Variants in PRKCB observed in about 807,000 individuals in gnomAD.
The protein encoded by PRKCB is protein kinase C beta type.
In PRKCB, 13 loss-of-function variants were observed where a neutral mutation model predicts 81.5. The ratio of observed to expected loss-of-function variants is 0.16; its 90% CI spans 0.10 to 0.25. The LOEUF (loss-of-function observed/expected upper bound fraction) is 0.25, where lower values mean the gene tolerates loss of function less well. Ranked by LOEUF, PRKCB falls within the 10% of genes least tolerant of loss-of-function variation. The pLI is 1.00. For missense variants in PRKCB, 509 were observed against 875.7 expected, an observed-to-expected ratio of 0.58 and a Z score of 5.29; for synonymous variants, 335 against 321.4, an observed-to-expected ratio of 1.04 and a Z score of -0.45.
In PRKCB at chr16:24,150,182, T is replaced by C. The variant is rs150836749; in HGVS notation, c.1066-4502T>C. Among the ~76,000 whole-genome samples the C allele has an allele frequency of 8.5e-5, 13 of 152,190 alleles. No homozygotes were observed. In the East Asian group the frequency reaches 2.5e-3, roughly 29 times the overall value. ...CCCATTTCTACTAAAAATACAAAAA[T>C]TAACCAGGTGTGGTGGTGGACGCCT... On this transcript the variant is annotated intron_variant, in intron 9 of 16. Transcript: ENST00000643927.
intron 2 of PRKCB, among the ~76,000 whole-genome samples, chr16:23,862,048 C>T (rs905318208): frequency 6.6e-6 from 1 of 152,142 alleles, no homozygotes; most frequent in Non-Finnish European, 1.5e-5. Context: ...TGATTAGCTT[C>T]TCTTGAGATT....
intron 2 of PRKCB, among the ~76,000 whole-genome samples, chr16:23,881,699 A>G (rs1331120347): frequency 1.3e-5 from 2 of 152,346 alleles, no homozygotes; most frequent in Admixed American, 1.3e-4. Context: ...ATAACATAAA[A>G]TTTACCATCT....
chr16:24,067,485 G>A (rs1966051326), intron 5 of PRKCB, among the ~76,000 whole-genome samples: 1 of 151,972 alleles, frequency 6.6e-6, no homozygotes, highest in African/African-American at 2.4e-5. Flanking sequence ...TTTTTGTAGA[G>A]ATGGGGTTTT....
intron 11 of PRKCB, among the ~76,000 whole-genome samples, chr16:24,173,437 C>A (rs1053972486): frequency 6.6e-6 from 1 of 152,124 alleles, no homozygotes; most frequent in African/African-American, 2.4e-5. Context: ...CTTGGTGGCT[C>A]CTACCCAGTT....
chr16:23,856,194 G>A (rs1432008227), intron 2 of PRKCB, among the ~76,000 whole-genome samples: 1 of 152,174 alleles, frequency 6.6e-6, no homozygotes, highest in Non-Finnish European at 1.5e-5. Context: ...CTACCAGAGA[G>A]GAGAGCTGGG....
rs923667390 is a variant in PRKCB at position 24,113,120 on chromosome 16, C to T, written c.918+51C>T. ...CTTTCTTTTTTCTCTTTCTTTTTTC[C>T]TTCTTTCCTCCTGCTCCCTCCTCTT... On this transcript the variant is annotated intron_variant, in intron 8 of 16. Coordinates refer to ENST00000643927, the MANE Select transcript of PRKCB (RefSeq NM_002738.7). 3 of 1,419,352 alleles carry T rather than the reference C, an allele frequency of 2.1e-6. No homozygotes were observed. In the African/African-American group the frequency reaches 4.3e-5, roughly 20 times the overall value. The allele number at this position is 1,419,352 out of a possible 1,614,324, so 87.9% of individuals were successfully genotyped here. A position where few individuals can be genotyped will look rare whatever the true frequency, so the allele number is the denominator to read the frequency against.
chr16:24,218,133 C>T lies in PRKCB; in HGVS notation c.*3317C>T. The T allele has an allele frequency of 3.0e-6, 3 of 985,172 alleles. No homozygotes were observed. The highest frequency in any genetic ancestry group is 3.6e-6 in the Non-Finnish European group (3 of 829,906). The allele number at this position is 985,172 out of a possible 1,614,324, so 61.0% of individuals were successfully genotyped here. On this transcript the variant is annotated 3_prime_UTR_variant, in exon 17 of 17. Transcript: ENST00000643927. ...GAGGACCCTGTTTATTGTTTCTCTC[C>T]AAGAAATTCTCCAAGAATATTGTTT...
At chr16:24,141,123 T>C (rs71379848) in intron 9 of PRKCB, among the ~76,000 whole-genome samples, 1 of 152,238 alleles carries the variant, frequency 6.6e-6, no homozygotes, top group African/African-American at 2.4e-5. Context: ...CTAACTCTTG[T>C]TAATGGACTC....
chr16:24,182,897 G>GTGTGTGTGTGTGTGTGTGTGTGTT, intron 13 of PRKCB, among the ~76,000 whole-genome samples: 1 of 151,838 alleles, frequency 6.6e-6, no homozygotes, highest in Non-Finnish European at 1.5e-5. Context: ...GTGTGTGTGT[G>GTGTGTGTGTGTGTGTGTGTGTGTT]TGTGTTTGAG....
intron 10 of PRKCB, among the ~76,000 whole-genome samples, chr16:24,157,098 T>C (rs1351526571): frequency 6.6e-6 from 1 of 152,238 alleles, no homozygotes; most frequent in Non-Finnish European, 1.5e-5. Flanking sequence ...CCTACTCACC[T>C]ATATTTCAAT....
At chr16:23,900,638 T>C (rs1038227043) in intron 2 of PRKCB, among the ~76,000 whole-genome samples, 2 of 151,970 alleles carry the variant, frequency 1.3e-5, no homozygotes, top group African/African-American at 2.4e-5. Context: ...CCTTTTTTTT[T>C]CCTATGTGAT....
At chr16:23,871,704 A>C (rs898342501) in intron 2 of PRKCB, among the ~76,000 whole-genome samples, 4 of 151,604 alleles carry the variant, frequency 2.6e-5, no homozygotes, top group African/African-American at 9.7e-5. Flanking sequence ...CAGCCACCCG[A>C]GTAGTTGTGA....
intron 8 of PRKCB, among the ~76,000 whole-genome samples, chr16:24,114,854 A>C (rs1966718121): frequency 6.7e-6 from 1 of 150,108 alleles, no homozygotes; most frequent in Admixed American, 6.6e-5. Flanking sequence ...GACACACACA[A>C]ATAAAAAAAA....
intron 2 of PRKCB, among the ~76,000 whole-genome samples, chr16:23,851,692 A>G (rs1285375291): frequency 6.6e-6 from 1 of 152,172 alleles, no homozygotes; most frequent in East Asian, 1.9e-4. Flanking sequence ...CATTTTCACA[A>G]TATTAATTTG....
intron 5 of PRKCB, among the ~76,000 whole-genome samples, chr16:24,078,636 T>TC: frequency 6.6e-6 from 1 of 152,134 alleles, no homozygotes; most frequent in Non-Finnish European, 1.5e-5. Flanking sequence ...AAGTGCTGCA[T>TC]CCCCCAGTGA....
At chr16:23,879,525 G>C (rs547791717) in intron 2 of PRKCB, among the ~76,000 whole-genome samples, 2 of 96,338 alleles carry the variant, frequency 2.1e-5, no homozygotes, top group South Asian at 3.4e-4. Context: ...TTTTGAGACG[G>C]AGCCCCACTG....
intron 9 of PRKCB, among the ~76,000 whole-genome samples, chr16:24,141,648 C>T (rs1966903658): frequency 6.6e-6 from 1 of 152,170 alleles, no homozygotes; most frequent in Non-Finnish European, 1.5e-5. Flanking sequence ...TTTGGAAGGG[C>T]CTGGAAACCA....
At chr16:24,210,569 G>A (rs1239377265) in intron 16 of PRKCB, among the ~76,000 whole-genome samples, 9 of 150,358 alleles carry the variant, frequency 6.0e-5, no homozygotes, top group Admixed American at 5.3e-4. Flanking sequence ...CTTGATCTCC[G>A]CTCACTGCAA....
intron 9 of PRKCB, among the ~76,000 whole-genome samples, chr16:24,146,576 G>T (rs142464113): frequency 6.6e-6 from 1 of 152,290 alleles, no homozygotes; most frequent in East Asian, 1.9e-4. Context: ...ATTATGCAAC[G>T]CTGGGCCACA....
Sources: gnomAD v4.1 joint callset for allele counts (sites outside exome capture counted in the v4.1 genomes callset) on GRCh38, gnomAD v4.1.1 for gene constraint, MANE v1.5 for transcripts, NCBI Gene and HGNC (gene_info 2026-07-23, HGNC 2026-07-21) for gene names.